Variants in VPS4B observed in about 807,000 individuals in gnomAD.
The protein encoded by VPS4B is vacuolar protein sorting-associated protein 4B.
A neutral mutation model predicts 56.1 loss-of-function variants in VPS4B; 23 were observed. The observed-to-expected ratio is 0.41, with a 90% CI of 0.30 to 0.58. The LOEUF (loss-of-function observed/expected upper bound fraction) is 0.58. Among genes scored for constraint, VPS4B ranks in the 20% least tolerant of loss-of-function variants. VPS4B has a pLI of 0.29. For synonymous variants in VPS4B, 177 were observed against 186.0 expected (o/e 0.95, Z 0.39); for missense variants, 372 against 531.9 (o/e 0.70, Z 2.96).
At position 63,389,252 on chromosome 18, in the gene VPS4B, TTC is replaced by T. The variant is rs1401328167; in HGVS notation, c.*1721_*1722del. ...GTATCTAACCAATTTAGGTAATATT[TTC>T]TTTTACACAGAAGGTCCCAAAATAA... On this transcript the variant is annotated 3_prime_UTR_variant, in exon 11 of 11. Transcript: ENST00000238497. 1 of 152,270 alleles carries T rather than the reference TTC, an allele frequency of 6.6e-6. No individual in the cohort carries two copies. Among genetic ancestry groups the T allele is most frequent in the Non-Finnish European group, 1.5e-5 (1 of 68,040 alleles). 9.4% of individuals were successfully genotyped at this position (152,270 alleles called of 1,614,324 possible).
intron 4 of VPS4B, among the ~76,000 whole-genome samples, chr18:63,405,600 G>A (rs533076666): frequency 5.3e-5 from 8 of 151,194 alleles, no homozygotes; most frequent in African/African-American, 1.9e-4. Flanking sequence ...TCTTTTATTT[G>A]TTTGTTTTAC....
chr18:63,407,587 G>T, intron 3 of VPS4B, 88 bp from the exon 4 acceptor site: 1 of 1,009,392 alleles, frequency 9.9e-7, no homozygotes, highest in Non-Finnish European at 1.4e-6. Flanking sequence ...TGAAATATTT[G>T]TAATTTCAGT....
chr18:63,418,910 A>G (rs1245042151), intron 1 of VPS4B, among the ~76,000 whole-genome samples: 3 of 152,146 alleles, frequency 2.0e-5, no homozygotes, highest in Non-Finnish European at 4.4e-5. Flanking sequence ...ACTTCTACAC[A>G]TATGTATGCA....
At chr18:63,393,266 A>T in intron 10 of VPS4B, 143 bp downstream of exon 10, 1 of 786,768 alleles carries the variant, frequency 1.3e-6, no homozygotes, top group Non-Finnish European at 1.8e-6. Flanking sequence ...AAGTTCAATT[A>T]ACTTCATAAT....
Position 63,403,708 on chromosome 18 carries a change from T to A in VPS4B, c.483A>T (p.Thr161=). Residue 161 remains threonine, a splice_region_variant and synonymous_variant, in exon 5 of 11, where the codon ACA becomes ACT. Coordinates refer to ENST00000238497, the MANE Select transcript of VPS4B (RefSeq NM_004869.4). The part of the protein sequence containing the change: ...ILPIKFPHLF[T]GKRTPWRGIL... ...AAAATTATTTAAAAGTTATGTCACC[T>A]GTAAAAAGATGAGGAAATTTAATAG... is the stretch of plus-strand genomic sequence containing the variant. The A allele has an allele frequency of 6.2e-7, 1 of 1,602,970 alleles. No homozygotes were observed. Among genetic ancestry groups the A allele is most frequent in the South Asian group, 1.1e-5 (1 of 88,216 alleles).
chr18:63,401,802 G>A (rs145615001), intron 5 of VPS4B, among the ~76,000 whole-genome samples: 302 of 152,234 alleles, frequency 2.0e-3, no homozygotes, highest in African/African-American at 6.6e-3. Flanking sequence ...GGACAACTGT[G>A]GCCAACATGG....
intron 8 of VPS4B, among the ~76,000 whole-genome samples, chr18:63,398,588 A>C (rs890658365): frequency 1.3e-5 from 2 of 151,958 alleles, no homozygotes; most frequent in African/African-American, 4.8e-5. Context: ...CTGTAATTCC[A>C]GCACTCTCGG....
chr18:63,395,342 G>C (rs1568083557), intron 9 of VPS4B, among the ~76,000 whole-genome samples: 1 of 152,188 alleles, frequency 6.6e-6, no homozygotes, highest in Non-Finnish European at 1.5e-5. Context: ...GCTGAAGAAG[G>C]GTGGATGAGT....
intron 5 of VPS4B, among the ~76,000 whole-genome samples, chr18:63,401,394 A>G (rs1302364773): frequency 6.6e-6 from 1 of 152,002 alleles, no homozygotes; most frequent in Non-Finnish European, 1.5e-5. Flanking sequence ...AGCTGAGATT[A>G]TAGGTGCCCG....
At chr18:63,408,646 G>A (rs1359815714) in intron 3 of VPS4B, among the ~76,000 whole-genome samples, 1 of 152,244 alleles carries the variant, frequency 6.6e-6, no homozygotes, top group Non-Finnish European at 1.5e-5. Context: ...CACCATCAGT[G>A]CTTAGCAGAG....
chr18:63,405,488 T>C (rs1915897225), intron 4 of VPS4B, among the ~76,000 whole-genome samples: 1 of 152,054 alleles, frequency 6.6e-6, no homozygotes, highest in Admixed American at 6.6e-5. Flanking sequence ...AAAAAAAGGA[T>C]ATTCAAATAT....
At chr18:63,393,297 T>C in intron 10 of VPS4B, 112 bp downstream of exon 10, 1 of 990,302 alleles carries the variant, frequency 1.0e-6, no homozygotes, top group Non-Finnish European at 1.4e-6. Flanking sequence ...TCAACAATAT[T>C]AAGTAAAATA....
intron 5 of VPS4B, among the ~76,000 whole-genome samples, chr18:63,401,343 C>T (rs1430528969): frequency 6.6e-6 from 1 of 152,134 alleles, no homozygotes; most frequent in Non-Finnish European, 1.5e-5. Flanking sequence ...CAACCTCTGC[C>T]TCCTGGTTTC....
rs1223790026 is a variant in VPS4B, at chr18:63,411,492, C to A, written c.114G>T (p.Val38=). The change falls in exon 2 of 11, where the codon GTG becomes GTT. Residue 38 remains valine, a synonymous_variant. Coordinates refer to ENST00000238497, the MANE Select transcript of VPS4B (RefSeq NM_004869.4). ...ATTTAACGACATGAAGAAAATACTG[C>A]ACAGCATGCTGATAGAGCTGAAGGG... ...EEALQLYQHA[V]QYFLHVVKYE... is the part of the protein sequence containing the mutation. 1 of 1,590,686 alleles carries A rather than the reference C, an allele frequency of 6.3e-7. No individual in the cohort carries two copies. Among genetic ancestry groups the A allele is most frequent in the South Asian group, 1.2e-5 (1 of 86,734 alleles).
At chr18:63,410,092 C>T (rs188154956) in intron 3 of VPS4B, among the ~76,000 whole-genome samples, 198 bp downstream of exon 3, 10 of 152,250 alleles carry the variant, frequency 6.6e-5, no homozygotes, top group East Asian at 1.9e-4. Context: ...TTTGTTGTTA[C>T]GGCACGAAAG....
At chr18:63,403,631 A>G in intron 5 of VPS4B, 76 bp downstream of exon 5, 1 of 1,405,614 alleles carries the variant, frequency 7.1e-7, no homozygotes, top group South Asian at 1.4e-5. Context: ...TAGTGACAAG[A>G]ATGACAATGC....
chr18:63,408,714 C>G (rs1292062505), intron 3 of VPS4B, among the ~76,000 whole-genome samples: 1 of 152,212 alleles, frequency 6.6e-6, no homozygotes, highest in Non-Finnish European at 1.5e-5. Flanking sequence ...GCCATTTCTC[C>G]TGATTCCCTG....
At chr18:63,410,263 T>C (rs941033351) in intron 3 of VPS4B, 27 bp downstream of exon 3, 3 of 1,605,282 alleles carry the variant, frequency 1.9e-6, no homozygotes, top group South Asian at 1.1e-5. Context: ...AAAGCCACAA[T>C]AAAATTGAAC....
rs1322194152 is a variant in VPS4B at position 63,391,033 on chromosome 18, T to C, written c.1277A>G (p.Asn426Ser). 11 of 1,613,740 alleles carry C rather than the reference T, an allele frequency of 6.8e-6. No individual in the cohort carries two copies. The highest frequency in any genetic ancestry group is 1.6e-4 in the Middle Eastern group (1 of 6,070). ...RSLSNTKPTV[N>S]EHDLLKLKKF... ...CTTTAATTTCAACAAGTCATGTTCATTGACTGTAGGTTTTGTGTTAGATAG... is the reference window on the plus strand; with the variant it reads ...CTTTAATTTCAACAAGTCATGTTCACTGACTGTAGGTTTTGTGTTAGATAG... Residue 426 changes from asparagine to serine, a missense_variant, in exon 11 of 11, where the codon AAT becomes AGT. By Grantham distance (46) the Asn-to-Ser change is conservative. Around this residue, in one of 3 missense-constraint regions of VPS4B, gnomAD observed 153 missense variants for 190.9 expected, o/e 0.80. Coordinates refer to ENST00000238497, the MANE Select transcript of VPS4B (RefSeq NM_004869.4).
Sources: gnomAD v4.1 joint callset for allele counts (sites outside exome capture counted in the v4.1 genomes callset) on GRCh38, gnomAD v4.1.1 for gene constraint, gnomAD v4.1.1 regional missense constraint, MANE v1.5 for transcripts, NCBI Gene and HGNC (gene_info 2026-07-23, HGNC 2026-07-21) for gene names.